The following ANKFN1 variants were observed in gnomAD, a reference collection of about 807,000 sequenced individuals.
The protein encoded by ANKFN1 is ankyrin repeat and fibronectin type III domain containing 1.
In ANKFN1, 74 loss-of-function variants were observed where a neutral mutation model predicts 108.7. That is an observed-to-expected ratio of 0.68 (90% CI 0.56 to 0.83). The LOEUF is 0.83. ANKFN1 is among the 40% of genes least tolerant of loss of function. The pLI, the probability that ANKFN1 is intolerant of heterozygous loss-of-function variation, is 0.00. For synonymous variants in ANKFN1, 547 were observed against 516.2 expected (o/e 1.06, Z -0.81); for missense variants, 1,505 against 1,382.3 (o/e 1.09, Z -1.41).
At chr17:56,063,334 T>C (rs929359693) in intron 4 of ANKFN1, among the ~76,000 whole-genome samples, 1 of 152,186 alleles carries the variant, frequency 6.6e-6, no homozygotes, top group African/African-American at 2.4e-5. Context: ...GATAATATCC[T>C]GAAATGTGTT....
At chr17:56,263,241 C>G (rs1341330767) in intron 3 of ANKFN1, among the ~76,000 whole-genome samples, 1 of 152,058 alleles carries the variant, frequency 6.6e-6, no homozygotes, top group Non-Finnish European at 1.5e-5. Flanking sequence ...TGAAAGCTAT[C>G]GAGAGAATTC....
intron 4 of ANKFN1, among the ~76,000 whole-genome samples, chr17:56,121,432 T>G (rs1195115314): frequency 1.3e-5 from 2 of 152,160 alleles, no homozygotes; most frequent in Non-Finnish European, 2.9e-5. Flanking sequence ...TTTGCCTGTC[T>G]TTCATTTCTT....
At chr17:56,387,345 T>C (rs1255227501) in intron 8 of ANKFN1, among the ~76,000 whole-genome samples, 1 of 152,208 alleles carries the variant, frequency 6.6e-6, no homozygotes, top group African/African-American at 2.4e-5. Flanking sequence ...GTTTAAAATG[T>C]GGTGTTGTAA....
In ANKFN1 at chr17:56,097,039, G is replaced by A. The variant is rs936003669; in HGVS notation, c.288+50714G>A. 2.6e-5 allele frequency among the ~76,000 whole-genome samples: 4 copies of A among 152,210 alleles called. No homozygotes were observed. In the South Asian group the frequency reaches 6.2e-4, roughly 24 times the overall value. On this transcript the variant is annotated intron_variant, in intron 4 of 12. Coordinates refer to the ANKFN1 transcript ENST00000635860. ...AGAAAACCAAATATCACATATACTC[G>A]ATTATAAGTGGGAGCTAAACATTGA...
chr17:56,456,984 G>A (rs2049728063), intron 12 of ANKFN1, 24 bp downstream of exon 12: 1 of 1,598,338 alleles, frequency 6.3e-7, no homozygotes, highest in Non-Finnish European at 8.6e-7. Flanking sequence ...AGTTTTTTCA[G>A]GAAATCTTAA....
At chr17:56,307,108 TA>T (rs2044852782) in intron 3 of ANKFN1, among the ~76,000 whole-genome samples, 1 of 152,140 alleles carries the variant, frequency 6.6e-6, no homozygotes, top group Non-Finnish European at 1.5e-5. Context: ...ATGTTAGACC[TA>T]AAACCATAAA....
chr17:56,439,948 C>A lies in ANKFN1; in HGVS notation c.911-379C>A, dbSNP rs545900513. Reference sequence around the variant, plus strand: ...GTATATTCATATACACATACACATACACACACAAATGCACACACACACAAT... The same window carrying A: ...GTATATTCATATACACATACACATAAACACACAAATGCACACACACACAAT... On this transcript the variant is annotated intron_variant, in intron 8 of 20. Transcript: ENST00000682825. Among the ~76,000 whole-genome samples the A allele has an allele frequency of 2.0e-5, 3 of 152,148 alleles. No individual in the cohort carries two copies. In the South Asian group the frequency reaches 6.2e-4, roughly 32 times the overall value.
At chr17:56,506,228 A>G (rs1380035336) in intron 20 of ANKFN1, among the ~76,000 whole-genome samples, 1 of 134,438 alleles carries the variant, frequency 7.4e-6, no homozygotes, top group Non-Finnish European at 1.6e-5. Context: ...CCACCCCATG[A>G]CAGGCCCCAG....
intron 11 of ANKFN1, among the ~76,000 whole-genome samples, chr17:56,452,130 A>T (rs1317453109): frequency 6.6e-6 from 1 of 152,194 alleles, no homozygotes; most frequent in East Asian, 1.9e-4. Context: ...TCCTATAGGG[A>T]TGAATTTATA....
upstream of ANKFN1, among the ~76,000 whole-genome samples, chr17:56,150,403 A>T (rs1472441929): frequency 6.6e-6 from 1 of 152,178 alleles, no homozygotes; most frequent in East Asian, 1.9e-4. Context: ...TAGACGTAGC[A>T]TTCGGTCCCT....
At chr17:56,345,954 G>A (rs541962018) in intron 4 of ANKFN1, among the ~76,000 whole-genome samples, 16 of 152,206 alleles carry the variant, frequency 1.1e-4, no homozygotes, top group African/African-American at 3.6e-4. Context: ...TAGTCATGAA[G>A]TCTTTGCCCA....
chr17:56,414,210 A>T lies in ANKFN1; in HGVS notation c.911-26117A>T, dbSNP rs113095141. On this transcript the variant is annotated intron_variant, in intron 8 of 20. Coordinates refer to ENST00000682825, the MANE Select transcript of ANKFN1 (RefSeq NM_001370326.1). ...AGGATGATGCTGAACTCATAGGGTA[A>T]GTTAGAGAGGAGTCACTCCTTTGCA... 5.4e-3 allele frequency among the ~76,000 whole-genome samples: 819 copies of T among 152,276 alleles called. 5 individuals carry two copies. The highest frequency in any genetic ancestry group is 0.019 in the African/African-American group (769 of 41,548).
Position 56,326,093 on chromosome 17 carries a change from C to A in ANKFN1, c.54-128C>A, listed in dbSNP as rs1388883598. 1.6e-5 allele frequency: 21 copies of A among 1,292,320 alleles called. No homozygotes were observed. In the African/African-American group the frequency reaches 2.6e-4, roughly 16 times the overall value. 80.1% of individuals were successfully genotyped at this position (1,292,320 alleles called of 1,614,324 possible). The stretch of plus-strand genomic sequence containing the variant: ...GAATACACCTAGCCTCTGAGCCAAG[C>A]TGTTTACTTCTCCCTTTCTCTCCCT... On this transcript the variant is annotated intron_variant, in intron 3 of 20. Coordinates refer to ENST00000682825, the MANE Select transcript of ANKFN1 (RefSeq NM_001370326.1).
At chr17:56,434,737 G>A (rs1353379538) in intron 8 of ANKFN1, among the ~76,000 whole-genome samples, 1 of 152,060 alleles carries the variant, frequency 6.6e-6, no homozygotes, top group African/African-American at 2.4e-5. Flanking sequence ...CTCATCTCTA[G>A]AAATGACTGT....
chr17:56,099,628 G>C (rs193268218), intron 4 of ANKFN1, among the ~76,000 whole-genome samples: 1 of 152,320 alleles, frequency 6.6e-6, no homozygotes, highest in East Asian at 1.9e-4. Context: ...CAGAAATTTA[G>C]ACATTGGAGC....
At chr17:56,307,542 CAGTTAGA>C (rs1181073203) in intron 3 of ANKFN1, among the ~76,000 whole-genome samples, 2 of 152,196 alleles carry the variant, frequency 1.3e-5, no homozygotes, top group Non-Finnish European at 2.9e-5. Flanking sequence ...CATCTCACAC[CAGTTAGA>C]ATGGCGATCA....
At position 56,507,740 on chromosome 17, in the gene ANKFN1, G is replaced by A. The variant is rs561432160; in HGVS notation, c.2645-2733G>A. ...TAATAACTTTGAGGCCTATACACTC[G>A]CTTCTCCCAGTTATCTGGAACACTT... On this transcript the variant is annotated intron_variant, in intron 20 of 20. Coordinates refer to ENST00000682825, the MANE Select transcript of ANKFN1 (RefSeq NM_001370326.1). Among the ~76,000 whole-genome samples, 220 of 152,148 alleles carry A rather than the reference G, an allele frequency of 1.4e-3. 1 individual carries two copies. Among genetic ancestry groups the A allele is most frequent in the Non-Finnish European group, 2.0e-3 (139 of 67,958 alleles).
At chr17:56,416,213 G>T (rs2048237532) in intron 8 of ANKFN1, among the ~76,000 whole-genome samples, 1 of 151,956 alleles carries the variant, frequency 6.6e-6, no homozygotes, top group Non-Finnish European at 1.5e-5. Context: ...TTCTCAAATG[G>T]GATTACATCA....
At chr17:56,463,210 G>C (rs996197032) in intron 14 of ANKFN1, among the ~76,000 whole-genome samples, 1 of 152,122 alleles carries the variant, frequency 6.6e-6, no homozygotes, top group African/African-American at 2.4e-5. Context: ...ACAACCTAAT[G>C]AGAAAGTACT....
Sources: gnomAD v4.1 joint callset for allele counts (sites outside exome capture counted in the v4.1 genomes callset) on GRCh38, gnomAD v4.1.1 for gene constraint, MANE v1.5 for transcripts, NCBI Gene and HGNC (gene_info 2026-07-23, HGNC 2026-07-21) for gene names.